ANO4: variants seen among roughly 807,000 people sequenced by gnomAD.
The protein encoded by ANO4 is anoctamin-4.
ANO4 carries 69 observed loss-of-function variants against 141.9 expected under a neutral mutation model. The ratio of observed to expected loss-of-function variants is 0.49; its 90% confidence interval spans 0.40 to 0.59. The LOEUF (loss-of-function observed/expected upper bound fraction) is 0.59. ANO4 is among the 20% of genes least tolerant of loss of function. The pLI is 0.00. For synonymous variants in ANO4, 350 were observed against 394.3 expected (o/e 0.89, Z 1.33); for missense variants, 894 against 1,162.2 (o/e 0.77, Z 3.36).
intron 1 of ANO4, among the ~76,000 whole-genome samples, chr12:100,896,955 T>C (rs2040380313): frequency 6.6e-6 from 1 of 152,210 alleles, no homozygotes; most frequent in Admixed American, 6.5e-5. Context: ...GTATGAATTA[T>C]TGTTACCCCA....
At chr12:100,771,217 AC>A (rs141989435) in intron 3 of ANO4, among the ~76,000 whole-genome samples, 4,675 of 152,186 alleles carry the variant, frequency 0.031, 244 homozygotes, top group African/African-American at 0.11. Flanking sequence ...GCCATGGCAG[AC>A]CTGTTCATCA....
At chr12:100,941,559 A>G (rs1233692280) in intron 4 of ANO4, among the ~76,000 whole-genome samples, 1 of 152,124 alleles carries the variant, frequency 6.6e-6, no homozygotes, top group East Asian at 1.9e-4. Context: ...TGAACTGTCT[A>G]TAATTTATTT....
At chr12:101,103,170 C>T (rs2050258232) in intron 22 of ANO4, among the ~76,000 whole-genome samples, 1 of 109,396 alleles carries the variant, frequency 9.1e-6, no homozygotes, top group South Asian at 2.6e-4. Context: ...TTACATTTTC[C>T]TTTTTAGTCA....
intron 9 of ANO4, among the ~76,000 whole-genome samples, chr12:101,033,247 C>A (rs536070308): frequency 0.013 from 1,905 of 150,168 alleles, 35 homozygotes; most frequent in African/African-American, 0.044. Flanking sequence ...TATTCTCACT[C>A]ATAGGTGGGA....
At chr12:101,066,263 G>A (rs1039413225) in intron 14 of ANO4, among the ~76,000 whole-genome samples, 17 of 152,118 alleles carry the variant, frequency 1.1e-4, no homozygotes, top group Non-Finnish European at 2.4e-4. Flanking sequence ...CCTAGCTAAA[G>A]CAATCAAATA....
At chr12:100,928,191 G>A (rs1324781933) in intron 3 of ANO4, among the ~76,000 whole-genome samples, 3 of 151,988 alleles carry the variant, frequency 2.0e-5, no homozygotes, top group South Asian at 4.2e-4. Flanking sequence ...GGCCGGGGGG[G>A]CTGGCATATA....
At chr12:100,801,093 G>GTCTCTCTCTCTCTCTCTCTCTC (rs35462149) in intron 1 of ANO4, among the ~76,000 whole-genome samples, 3 of 147,260 alleles carry the variant, frequency 2.0e-5, no homozygotes, top group East Asian at 2.0e-4. Flanking sequence ...TTGTCTACTT[G>GTCTCTCTCTCTCTCTCTCTCTC]TCTCTCTCTC....
At chr12:101,122,723 C>T (rs1354661493) in intron 26 of ANO4, among the ~76,000 whole-genome samples, 1 of 152,150 alleles carries the variant, frequency 6.6e-6, no homozygotes, top group East Asian at 1.9e-4. Flanking sequence ...ATCATTACCA[C>T]ACATATTGAA....
At chr12:100,834,422 A>G (rs1186620228) in intron 1 of ANO4, among the ~76,000 whole-genome samples, 1 of 152,032 alleles carries the variant, frequency 6.6e-6, no homozygotes, top group African/African-American at 2.4e-5. Context: ...GACCACCAAA[A>G]CGTTCCCTAC....
intron 10 of ANO4, among the ~76,000 whole-genome samples, chr12:101,039,346 A>T (rs1352987346): frequency 6.6e-6 from 1 of 152,142 alleles, no homozygotes; most frequent in East Asian, 1.9e-4. Context: ...CTCTACAAAA[A>T]ATACAAAAGT....
At chr12:100,899,367 G>A (rs568060050) in intron 1 of ANO4, among the ~76,000 whole-genome samples, 26 of 152,288 alleles carry the variant, frequency 1.7e-4, no homozygotes, top group African/African-American at 4.6e-4. Flanking sequence ...GAACACTAGC[G>A]TGAAAACTCT....
chr12:100,803,222 C>T (rs1007020543), intron 1 of ANO4, among the ~76,000 whole-genome samples: 8 of 152,042 alleles, frequency 5.3e-5, no homozygotes, highest in Non-Finnish European at 1.0e-4. Flanking sequence ...AACTCCAACC[C>T]CGGGAGCAGA....
intron 8 of ANO4, among the ~76,000 whole-genome samples, chr12:100,997,345 A>T (rs1361154447): frequency 6.6e-6 from 1 of 151,358 alleles, no homozygotes; most frequent in African/African-American, 2.4e-5. Flanking sequence ...AAAAAAAAAA[A>T]AAAAAAGTGT....
intron 3 of ANO4, among the ~76,000 whole-genome samples, chr12:100,783,444 T>C (rs1023192987): frequency 6.6e-6 from 1 of 152,198 alleles, no homozygotes; most frequent in Non-Finnish European, 1.5e-5. Context: ...CCTTCCCAAA[T>C]CTGTCTCTAG....
intron 14 of ANO4, among the ~76,000 whole-genome samples, chr12:101,076,518 T>C (rs2049030536): frequency 1.3e-5 from 2 of 152,188 alleles, no homozygotes; most frequent in African/African-American, 4.8e-5. Context: ...CCAGGCAGGA[T>C]TCAGCAGGAA....
At chr12:100,737,410 C>T (rs923064620) in intron 2 of ANO4, among the ~76,000 whole-genome samples, 1 of 152,210 alleles carries the variant, frequency 6.6e-6, no homozygotes, top group African/African-American at 2.4e-5. Context: ...TGACAGACTC[C>T]TCCTATCTCA....
intron 2 of ANO4, among the ~76,000 whole-genome samples, chr12:100,903,358 C>A (rs117557330): frequency 4.5e-3 from 686 of 152,344 alleles, no homozygotes; most frequent in Non-Finnish European, 7.4e-3. Flanking sequence ...CTTTCCTCCT[C>A]TTGCCTCCTT....
chr12:100,770,328 T>A (rs2033244237), intron 3 of ANO4, among the ~76,000 whole-genome samples: 1 of 152,268 alleles, frequency 6.6e-6, no homozygotes, highest in South Asian at 2.1e-4. Context: ...GACAGAACAC[T>A]GTTTATTCTT....
intron 1 of ANO4, among the ~76,000 whole-genome samples, chr12:100,801,101 C>A (rs1440722899): frequency 6.6e-6 from 1 of 151,058 alleles, no homozygotes; most frequent in Non-Finnish European, 1.5e-5. Context: ...TTGTCTCTCT[C>A]TCTCTCTCTC....
Sources: allele counts gnomAD v4.1 joint callset (sites outside exome capture counted in the v4.1 genomes callset), GRCh38; gene constraint gnomAD v4.1.1; transcripts MANE v1.5; gene names NCBI Gene and HGNC (gene_info 2026-07-23, HGNC 2026-07-21).